The following CNTN4 variants were observed in gnomAD, a reference collection of about 807,000 sequenced individuals.
CNTN4 encodes the protein contactin-4.
A neutral mutation model predicts 122.5 loss-of-function variants in CNTN4; 77 were observed. The ratio of observed to expected loss-of-function variants is 0.63; its 90% CI spans 0.52 to 0.76. CNTN4 has a LOEUF of 0.76. Among genes scored for constraint, CNTN4 ranks in the 30% least tolerant of loss-of-function variants. The pLI, the probability that CNTN4 is intolerant of heterozygous loss-of-function variation, is 0.00. For missense variants in CNTN4, 1,256 were observed against 1,259.1 expected, an observed-to-expected ratio of 1.00 and a Z score of 0.04; for synonymous variants, 512 against 447.0, an observed-to-expected ratio of 1.15 and a Z score of -1.83.
intron 4 of CNTN4, among the ~76,000 whole-genome samples, chr3:2,573,879 T>A (rs1480528135): frequency 6.6e-6 from 1 of 152,198 alleles, no homozygotes; most frequent in Non-Finnish European, 1.5e-5. Flanking sequence ...TTGTCTTGAT[T>A]TCATTAATTT....
intron 4 of CNTN4, among the ~76,000 whole-genome samples, chr3:2,646,094 C>A (rs1165665389): frequency 6.6e-6 from 1 of 152,164 alleles, no homozygotes; most frequent in African/African-American, 2.4e-5. Flanking sequence ...ATCTAAGAGT[C>A]AGTGTCCTCA....
intron 4 of CNTN4, among the ~76,000 whole-genome samples, chr3:2,720,633 A>T (rs1023664060): frequency 6.6e-6 from 1 of 152,180 alleles, no homozygotes; most frequent in African/African-American, 2.4e-5. Flanking sequence ...GTGTCTTCCT[A>T]TCTATTAGAT....
chr3:2,752,152 C>T (rs1478153841), intron 6 of CNTN4, among the ~76,000 whole-genome samples: 1 of 152,118 alleles, frequency 6.6e-6, no homozygotes, highest in Non-Finnish European at 1.5e-5. Flanking sequence ...TTTAAAATAA[C>T]TATCACTTAC....
chr3:2,466,973 T>TC (rs200199382), intron 3 of CNTN4, among the ~76,000 whole-genome samples: 20 of 146,150 alleles, frequency 1.4e-4, no homozygotes, highest in African/African-American at 2.2e-4. Context: ...TTTCTTTCTT[T>TC]TTTTTTTTTT....
intron 6 of CNTN4, among the ~76,000 whole-genome samples, chr3:2,751,719 T>G (rs1231419624): frequency 2.0e-5 from 3 of 152,092 alleles, no homozygotes; most frequent in African/African-American, 7.2e-5. Context: ...CTAAATCTGC[T>G]TGAGGATCTT....
chr3:2,398,463 A>G (rs1346409229), intron 3 of CNTN4, among the ~76,000 whole-genome samples: 1 of 152,144 alleles, frequency 6.6e-6, no homozygotes, highest in Non-Finnish European at 1.5e-5. Context: ...AACAGCTACT[A>G]TAAAAAATTA....
At chr3:2,613,466 T>A (rs2081583703) in intron 4 of CNTN4, among the ~76,000 whole-genome samples, 1 of 152,092 alleles carries the variant, frequency 6.6e-6, no homozygotes, top group Non-Finnish European at 1.5e-5. Context: ...AGAGATTAAA[T>A]ATTGATTAGG....
intron 4 of CNTN4, among the ~76,000 whole-genome samples, chr3:2,703,306 T>C (rs992642081): frequency 1.3e-5 from 2 of 152,206 alleles, no homozygotes; most frequent in African/African-American, 4.8e-5. Flanking sequence ...AGTATGAGTA[T>C]ATATTGCAAT....
chr3:2,860,811 T>C (rs778722337), intron 7 of CNTN4, among the ~76,000 whole-genome samples: 1 of 152,206 alleles, frequency 6.6e-6, no homozygotes, highest in South Asian at 2.1e-4. Flanking sequence ...TTGAGAGAGC[T>C]CTTTCATATG....
intron 2 of CNTN4, among the ~76,000 whole-genome samples, chr3:2,113,855 C>G (rs1458513854): frequency 6.6e-6 from 1 of 152,174 alleles, no homozygotes; most frequent in African/African-American, 2.4e-5. Flanking sequence ...TCAAACCATT[C>G]TTCCTTATGC....
chr3:2,357,173 G>A (rs1201937681), intron 3 of CNTN4, among the ~76,000 whole-genome samples: 1 of 152,168 alleles, frequency 6.6e-6, no homozygotes, highest in Non-Finnish European at 1.5e-5. Context: ...CCTGATGCTG[G>A]TGACCCACAA....
intron 12 of CNTN4, among the ~76,000 whole-genome samples, chr3:2,921,428 A>G (rs1485074852): frequency 2.6e-5 from 4 of 152,234 alleles, no homozygotes; most frequent in Admixed American, 6.5e-5. Context: ...CTAGATAGCA[A>G]TCCAACAGGC....
At chr3:2,795,253 A>G (rs1048263449) in intron 6 of CNTN4, among the ~76,000 whole-genome samples, 3 of 152,260 alleles carry the variant, frequency 2.0e-5, no homozygotes, top group South Asian at 2.1e-4. Flanking sequence ...TTAAATACCA[A>G]AATTGGACCT....
At chr3:2,558,854 A>G (rs759903190) in intron 3 of CNTN4, among the ~76,000 whole-genome samples, 8 of 152,218 alleles carry the variant, frequency 5.3e-5, no homozygotes, top group Non-Finnish European at 1.0e-4. Flanking sequence ...ATAACTGCAA[A>G]TGATCACTCT....
At chr3:2,553,218 C>A (rs2078586026) in intron 3 of CNTN4, among the ~76,000 whole-genome samples, 2 of 152,142 alleles carry the variant, frequency 1.3e-5, no homozygotes, top group Non-Finnish European at 2.9e-5. Context: ...GAGATACTCA[C>A]ATTATTTCAG....
intron 7 of CNTN4, among the ~76,000 whole-genome samples, chr3:2,854,530 C>A (rs1162457208): frequency 1.3e-5 from 2 of 152,052 alleles, no homozygotes; most frequent in Non-Finnish European, 2.9e-5. Context: ...GCCTCTGCCT[C>A]CCAAAGTGCT....
chr3:2,831,033 T>G (rs936847635), intron 7 of CNTN4, among the ~76,000 whole-genome samples: 1 of 152,212 alleles, frequency 6.6e-6, no homozygotes, highest in African/African-American at 2.4e-5. Flanking sequence ...AAGAAGTTGT[T>G]AATTTTTCTG....
chr3:2,170,018 C>T (rs992920361), intron 2 of CNTN4, among the ~76,000 whole-genome samples: 7 of 151,414 alleles, frequency 4.6e-5, no homozygotes, highest in Non-Finnish European at 8.8e-5. Context: ...CTAATACTTG[C>T]AAGAATCAAA....
At chr3:2,977,456 T>C (rs1693529746) in intron 13 of CNTN4, among the ~76,000 whole-genome samples, 1 of 152,144 alleles carries the variant, frequency 6.6e-6, no homozygotes, top group Non-Finnish European at 1.5e-5. Context: ...TATTCTTTGA[T>C]ACATTACCCA....
Sources: gnomAD v4.1 joint callset for allele counts (sites outside exome capture counted in the v4.1 genomes callset) on GRCh38, gnomAD v4.1.1 for gene constraint, MANE v1.5 for transcripts, NCBI Gene and HGNC (gene_info 2026-07-23, HGNC 2026-07-21) for gene names.